Variants in RCAN2 observed in about 807,000 individuals in gnomAD.
The protein encoded by RCAN2 is regulator of calcineurin 2.
A neutral mutation model predicts 23.6 loss-of-function variants in RCAN2; 9 were observed. That is an observed-to-expected ratio of 0.38 (90% CI 0.23 to 0.67). The LOEUF (loss-of-function observed/expected upper bound fraction) is 0.67. RCAN2 is among the 30% of genes least tolerant of loss of function. RCAN2 has a pLI of 0.51. For synonymous variants in RCAN2, 109 were observed against 115.7 expected, an observed-to-expected ratio of 0.94 and a Z score of 0.37; for missense variants, 273 against 302.3, an observed-to-expected ratio of 0.90 and a Z score of 0.72.
chr6:46,395,378 A>G (rs1008324140), intron 2 of RCAN2, among the ~76,000 whole-genome samples: 1 of 152,234 alleles, frequency 6.6e-6, no homozygotes, highest in African/African-American at 2.4e-5. Context: ...GTGGAGTCCT[A>G]AGAACCAAAT....
chr6:46,354,380 A>G (rs1250912119), intron 2 of RCAN2, among the ~76,000 whole-genome samples: 1 of 152,092 alleles, frequency 6.6e-6, no homozygotes, highest in African/African-American at 2.4e-5. Context: ...AACTAGTGAA[A>G]TCTAAATAAG....
chr6:46,320,090 C>T (rs1049657647), intron 2 of RCAN2, among the ~76,000 whole-genome samples: 1 of 152,216 alleles, frequency 6.6e-6, no homozygotes, highest in African/African-American at 2.4e-5. Flanking sequence ...ATATACAACT[C>T]AAACACTTCT....
At chr6:46,297,495 G>A (rs1016868517) in intron 2 of RCAN2, among the ~76,000 whole-genome samples, 4 of 151,950 alleles carry the variant, frequency 2.6e-5, no homozygotes, top group African/African-American at 7.3e-5. Flanking sequence ...AGTCCGGGTG[G>A]GTAGAATAGA....
At chr6:46,240,869 A>G (rs544763523) in intron 4 of RCAN2, among the ~76,000 whole-genome samples, 1 of 152,342 alleles carries the variant, frequency 6.6e-6, no homozygotes, top group African/African-American at 2.4e-5. Flanking sequence ...TTGATACAGA[A>G]GAATTTGGAA....
chr6:46,349,692 C>T (rs1260972616), intron 2 of RCAN2, among the ~76,000 whole-genome samples: 1 of 152,130 alleles, frequency 6.6e-6, no homozygotes, highest in East Asian at 1.9e-4. Context: ...AATCTGTTGA[C>T]TGAACCATCA....
intron 4 of RCAN2, among the ~76,000 whole-genome samples, chr6:46,233,559 G>A (rs1207054375): frequency 3.3e-5 from 5 of 152,034 alleles, no homozygotes; most frequent in Non-Finnish European, 5.9e-5. Context: ...TTGAGATGAG[G>A]GCAAGGCTCA....
chr6:46,296,452 C>T (rs1762732882), intron 2 of RCAN2, among the ~76,000 whole-genome samples: 1 of 152,026 alleles, frequency 6.6e-6, no homozygotes, highest in South Asian at 2.1e-4. Context: ...TTATTATGCC[C>T]TATCTGACTT....
intron 1 of RCAN2, among the ~76,000 whole-genome samples, chr6:46,489,313 ATCATTACCAT>A (rs1217372301): frequency 2.6e-5 from 4 of 152,224 alleles, no homozygotes; most frequent in Admixed American, 2.6e-4. Flanking sequence ...ATGATGTTGA[ATCATTACCAT>A]TTATTTTCTT....
intron 2 of RCAN2, among the ~76,000 whole-genome samples, chr6:46,441,605 A>T (rs937822127): frequency 4.6e-5 from 7 of 152,204 alleles, no homozygotes; most frequent in Non-Finnish European, 1.0e-4. Context: ...ATGGTTGATT[A>T]AAAAACCTTA....
At chr6:46,471,304 G>C (rs938616477) in intron 1 of RCAN2, among the ~76,000 whole-genome samples, 4 of 152,184 alleles carry the variant, frequency 2.6e-5, no homozygotes, top group African/African-American at 9.7e-5. Context: ...ATGGAACAAG[G>C]CCAGAAGTAG....
At chr6:46,440,671 G>A (rs559668529) in intron 2 of RCAN2, among the ~76,000 whole-genome samples, 1 of 152,096 alleles carries the variant, frequency 6.6e-6, no homozygotes, top group South Asian at 2.1e-4. Context: ...AAAAAAGATA[G>A]TTGCTATGAC....
chr6:46,331,259 C>A lies in RCAN2; in HGVS notation c.226-82363G>T, dbSNP rs191118585. Among the ~76,000 whole-genome samples, 194 of 152,158 alleles carry A rather than the reference C, an allele frequency of 1.3e-3. 4 individuals are homozygous for A. Among genetic ancestry groups the A allele is most frequent in the South Asian group, 3.5e-3 (17 of 4,818 alleles). On this transcript the variant is annotated intron_variant, in intron 2 of 4. Transcript: ENST00000371374. Reference sequence around the variant, plus strand: ...TTCCTGGCCTCAAGTGATCCTCCTGCCTCAGCCTCCAGAGTCACTGGGATT... The same window carrying A: ...TTCCTGGCCTCAAGTGATCCTCCTGACTCAGCCTCCAGAGTCACTGGGATT...
chr6:46,269,418 T>C (rs1373946404), intron 2 of RCAN2, among the ~76,000 whole-genome samples: 1 of 152,246 alleles, frequency 6.6e-6, no homozygotes, highest in Non-Finnish European at 1.5e-5. Context: ...ACAGCTGTCA[T>C]AGCCTGTTAA....
At chr6:46,354,895 ATATGTGTGTGTGTGTGTG>A (rs1424303423) in intron 2 of RCAN2, among the ~76,000 whole-genome samples, 3 of 136,218 alleles carry the variant, frequency 2.2e-5, no homozygotes, top group African/African-American at 8.3e-5. Context: ...AAAAGATTAT[ATATGTGTGTGTGTGTGTG>A]TGTGTGTGTG....
At chr6:46,457,066 A>G (rs1768058820) in intron 1 of RCAN2, 88 bp from the exon 2 acceptor site, 2 of 798,822 alleles carry the variant, frequency 2.5e-6, no homozygotes, top group East Asian at 2.7e-5. Context: ...TGTCAGGGGC[A>G]GAACAGTGGA....
intron 1 of RCAN2, among the ~76,000 whole-genome samples, chr6:46,489,268 C>G (rs1357225642): frequency 6.6e-6 from 1 of 152,184 alleles, no homozygotes; most frequent in African/African-American, 2.4e-5. Flanking sequence ...TCTGTTGGCT[C>G]CCATTAAACT....
chr6:46,281,209 C>T (rs753068189), intron 2 of RCAN2, among the ~76,000 whole-genome samples: 1 of 152,128 alleles, frequency 6.6e-6, no homozygotes, highest in African/African-American at 2.4e-5. Context: ...AACAGGCATG[C>T]GCTGACTAAT....
rs1763448665 is a variant in RCAN2 at position 46,316,652 on chromosome 6, C to CATTCAATGTATATTTGCTGAATG, written c.226-67779_226-67757dup. The stretch of plus-strand genomic sequence containing the variant: ...AATCTGAGGCCGTGACCATAGAAGG[C>CATTCAATGTATATTTGCTGAATG]ATTCAATGTATATTTGCTGAATGAA... On this transcript the variant is annotated intron_variant, in intron 2 of 4. Coordinates refer to ENST00000371374, the MANE Select transcript of RCAN2 (RefSeq NM_001251974.2). Among the ~76,000 whole-genome samples, 4 of 152,344 alleles carry CATTCAATGTATATTTGCTGAATG rather than the reference C, an allele frequency of 2.6e-5. No homozygotes were observed. In the South Asian group the frequency reaches 8.3e-4, roughly 32 times the overall value.
intron 1 of RCAN2, 96 bp from the exon 2 acceptor site, chr6:46,457,074 G>A (rs934875939): frequency 2.1e-5 from 16 of 766,568 alleles, no homozygotes; most frequent in Admixed American, 1.9e-4. Context: ...GCAGAACAGT[G>A]GAGTACGATT....
Sources: allele counts gnomAD v4.1 joint callset (sites outside exome capture counted in the v4.1 genomes callset), GRCh38; gene constraint gnomAD v4.1.1; transcripts MANE v1.5; gene names NCBI Gene and HGNC (gene_info 2026-07-23, HGNC 2026-07-21).